PPEF2: variants seen among roughly 807,000 people sequenced by gnomAD.
PPEF2 encodes the protein serine/threonine-protein phosphatase with EF-hands 2.
A neutral mutation model predicts 84.7 loss-of-function variants in PPEF2; 84 were observed. The observed-to-expected ratio is 0.99, with a 90% CI of 0.83 to 1.19. The LOEUF (loss-of-function observed/expected upper bound fraction) is 1.19. Ranked by LOEUF, PPEF2 falls within the 50% of genes most tolerant of loss-of-function variation. The pLI is 0.00. For missense variants in PPEF2, 924 were observed against 937.5 expected (o/e 0.99, Z 0.19); for synonymous variants, 346 against 345.2 (o/e 1.00, Z -0.03).
At chr4:75,869,931 C>T (rs1212828065) in intron 13 of PPEF2, among the ~76,000 whole-genome samples, 1 of 152,120 alleles carries the variant, frequency 6.6e-6, no homozygotes, top group African/African-American at 2.4e-5. Flanking sequence ...ATTATGGCTG[C>T]TCAGAGACAT....
Position 75,888,229 on chromosome 4 carries a change from C to T in PPEF2, c.517G>A (p.Glu173Lys), listed in dbSNP as rs1417144389. The T allele has an allele frequency of 1.2e-6, 2 of 1,611,610 alleles. No individual in the cohort carries two copies. Among genetic ancestry groups the T allele is most frequent in the Middle Eastern group, 1.7e-4 (1 of 6,052 alleles). The change falls in exon 6 of 17, where the codon GAG becomes AAG. Residue 173 changes from glutamate to lysine, a missense_variant. Coordinates refer to ENST00000286719, the MANE Select transcript of PPEF2 (RefSeq NM_006239.3). Reference protein sequence around the residue: ...INRVSTCYSEEITVCGDLHGQ... With the variant: ...INRVSTCYSEKITVCGDLHGQ... ...CAGCTCTTACCACACACTGTGATCT[C>T]CTCACTGTAACAGGTTGAGACCCGG...
intron 10 of PPEF2, among the ~76,000 whole-genome samples, chr4:75,877,613 G>T (rs1289991729): frequency 6.6e-6 from 1 of 151,778 alleles, no homozygotes; most frequent in Non-Finnish European, 1.5e-5. Flanking sequence ...ATATGACATT[G>T]TCATGACAGT....
intron 11 of PPEF2, 125 bp downstream of exon 11, chr4:75,876,162 T>C (rs1233788454): frequency 6.9e-6 from 8 of 1,155,236 alleles, no homozygotes; most frequent in Non-Finnish European, 9.5e-6. Flanking sequence ...CTAGTGTCCT[T>C]CTGGGGTGTT....
chr4:75,888,387 G>T, intron 5 of PPEF2, 59 bp from the exon 6 acceptor site: 1 of 1,319,446 alleles, frequency 7.6e-7, no homozygotes, highest in Non-Finnish European at 1.1e-6. Context: ...GAGGGAAAAT[G>T]GTCCTTACCT....
At chr4:75,870,745 C>T (rs1724248637) in intron 13 of PPEF2, among the ~76,000 whole-genome samples, 1 of 152,142 alleles carries the variant, frequency 6.6e-6, no homozygotes, top group South Asian at 2.1e-4. Flanking sequence ...CTTTAATAAT[C>T]TCTTCTACAA....
intron 10 of PPEF2, among the ~76,000 whole-genome samples, chr4:75,877,227 C>T (rs1191731089): frequency 1.3e-5 from 2 of 151,790 alleles, no homozygotes; most frequent in Non-Finnish European, 2.9e-5. Context: ...ATCCCAGCTA[C>T]TTGGGAGGCT....
intron 1 of PPEF2, among the ~76,000 whole-genome samples, chr4:75,901,467 G>A (rs1725118476): frequency 6.6e-6 from 1 of 151,298 alleles, no homozygotes; most frequent in Admixed American, 6.6e-5. Context: ...GTTGTAGTGA[G>A]CCAAGATTTC....
intron 5 of PPEF2, among the ~76,000 whole-genome samples, chr4:75,889,675 C>T (rs1051135575): frequency 6.6e-6 from 1 of 152,178 alleles, no homozygotes; most frequent in African/African-American, 2.4e-5. Flanking sequence ...CTGCTGTATC[C>T]TCAGTGCCCA....
At chr4:75,871,961 C>G in intron 13 of PPEF2, 64 bp downstream of exon 13, 2 of 1,463,916 alleles carry the variant, frequency 1.4e-6, no homozygotes, top group Non-Finnish European at 1.8e-6. Flanking sequence ...TTTGACACTT[C>G]ATTCAAAGAT....
At chr4:75,866,044 A>T (rs979183266) in intron 15 of PPEF2, 145 bp downstream of exon 15, 5 of 943,784 alleles carry the variant, frequency 5.3e-6, no homozygotes, top group Non-Finnish European at 7.8e-6. Flanking sequence ...AAAGCCTGAC[A>T]CATAGAAACT....
At chr4:75,867,146 T>G (rs2149214799) in intron 14 of PPEF2, among the ~76,000 whole-genome samples, 167 bp downstream of exon 14, 1 of 152,318 alleles carries the variant, frequency 6.6e-6, no homozygotes, top group South Asian at 2.1e-4. Flanking sequence ...ATTTTAAAAT[T>G]TAGTTAGAAT....
rs138499574 is a variant in PPEF2 at position 75,875,484 on chromosome 4, C to T, written c.1320+803G>A. On this transcript the variant is annotated intron_variant, in intron 11 of 16. Coordinates refer to ENST00000286719, the MANE Select transcript of PPEF2 (RefSeq NM_006239.3). ...ATTAGCCAGGCATGGTGGTGCACAC[C>T]GGTAGTCCCAGCTACTGGGGAGGCT... is the stretch of plus-strand genomic sequence containing the variant. Among the ~76,000 whole-genome samples, 10 of 152,160 alleles carry T rather than the reference C, an allele frequency of 6.6e-5. No individual in the cohort carries two copies. In the East Asian group the frequency reaches 1.4e-3, roughly 21 times the overall value.
chr4:75,874,237 A>G (rs1724354897), intron 11 of PPEF2, among the ~76,000 whole-genome samples: 1 of 152,182 alleles, frequency 6.6e-6, no homozygotes, highest in Non-Finnish European at 1.5e-5. Flanking sequence ...TGCCAGTCAT[A>G]CAATACTCAG....
chr4:75,873,348 C>A, intron 11 of PPEF2, 36 bp from the exon 12 acceptor site: 2 of 1,543,546 alleles, frequency 1.3e-6, no homozygotes, highest in Non-Finnish European at 1.8e-6. Flanking sequence ...TTCCCAAAAA[C>A]TAGATACATA....
chr4:75,887,620 C>CAAAAA (rs34334071), intron 6 of PPEF2, among the ~76,000 whole-genome samples: 4 of 123,640 alleles, frequency 3.2e-5, no homozygotes, highest in African/African-American at 9.2e-5. Context: ...GACTGTGTCT[C>CAAAAA]AAAAAAAAAA....
chr4:75,861,085 C>T (rs1205842825), intron 16 of PPEF2, among the ~76,000 whole-genome samples, 165 bp from the exon 17 acceptor site: 1 of 152,156 alleles, frequency 6.6e-6, no homozygotes, highest in Non-Finnish European at 1.5e-5. Context: ...CCCACTGGCT[C>T]ACCAATGATT....
Position 75,860,677 on chromosome 4 carries a change from C to T in PPEF2, c.2252G>A (p.Gly751Asp), listed in dbSNP as rs1424944775. The change falls in exon 17 of 17, where the codon GGT becomes GAT. Residue 751 changes from glycine (G) to aspartate (D), a missense_variant. By Grantham distance (94) the Gly-to-Asp change is moderately conservative. Transcript: ENST00000286719. ...NAKDSGCSSP[G>D]AH ...AAGACCAGGCTGTTCTTAGTGTGCA[C>T]CTGGACTGCTGCAGCCACTGTCTTT... The T allele has an allele frequency of 1.2e-6, 2 of 1,613,898 alleles. No homozygotes were observed. Among genetic ancestry groups the T allele is most frequent in the Non-Finnish European group, 1.7e-6 (2 of 1,180,024 alleles).
chr4:75,880,206 G>A (rs2149220679), intron 10 of PPEF2, among the ~76,000 whole-genome samples: 1 of 152,292 alleles, frequency 6.6e-6, no homozygotes, highest in Non-Finnish European at 1.5e-5. Flanking sequence ...GTGTTAATAT[G>A]TATTGAGCCT....
At chr4:75,889,838 C>T in intron 5 of PPEF2, 119 bp downstream of exon 5, 1 of 1,145,322 alleles carries the variant, frequency 8.7e-7, no homozygotes, top group Admixed American at 1.9e-5. Context: ...TAGAATCTCT[C>T]TAGTGGACAC....
Sources: gnomAD v4.1 joint callset for allele counts (sites outside exome capture counted in the v4.1 genomes callset) on GRCh38, gnomAD v4.1.1 for gene constraint, MANE v1.5 for transcripts, NCBI Gene and HGNC (gene_info 2026-07-23, HGNC 2026-07-21) for gene names.